The following STK39 variants were observed in gnomAD, a reference collection of about 807,000 sequenced individuals.
The protein encoded by STK39 is serine/threonine kinase 39, also known as STE20/SPS1-related proline-alanine-rich protein kinase.
Under a neutral mutation model 77.8 loss-of-function variants are expected in STK39, and 20 were observed. The ratio of observed to expected loss-of-function variants is 0.26; its 90% CI spans 0.18 to 0.37. The LOEUF (loss-of-function observed/expected upper bound fraction) is 0.37, where lower values mean the gene tolerates loss of function less well. Among genes scored for constraint, STK39 ranks in the 10% least tolerant of loss-of-function variants. The pLI is 1.00. For missense variants in STK39, 479 were observed against 656.5 expected, an observed-to-expected ratio of 0.73 and a Z score of 2.95; for synonymous variants, 246 against 234.1, an observed-to-expected ratio of 1.05 and a Z score of -0.47.
chr2:168,207,871 G>A (rs1689782064), intron 1 of STK39, among the ~76,000 whole-genome samples: 1 of 152,168 alleles, frequency 6.6e-6, no homozygotes, highest in Non-Finnish European at 1.5e-5. Context: ...TCCCAACTGA[G>A]GTCGGTCTAC....
chr2:168,082,058 T>C (rs1334953542), intron 10 of STK39, among the ~76,000 whole-genome samples: 1 of 152,116 alleles, frequency 6.6e-6, no homozygotes, highest in African/African-American at 2.4e-5. Context: ...ATCTTCCTAA[T>C]AAACTTCACA....
intron 14 of STK39, among the ~76,000 whole-genome samples, chr2:168,020,576 ATAC>A (rs1684544715): frequency 6.6e-6 from 1 of 151,626 alleles, no homozygotes; most frequent in African/African-American, 2.4e-5. Context: ...ATATAAATGT[ATAC>A]ACATACATAC....
chr2:168,038,892 A>G (rs1685027367), intron 14 of STK39, among the ~76,000 whole-genome samples: 1 of 152,212 alleles, frequency 6.6e-6, no homozygotes, highest in Non-Finnish European at 1.5e-5. Flanking sequence ...AAGATTGACG[A>G]TACCAAGTAT....
intron 10 of STK39, among the ~76,000 whole-genome samples, chr2:168,110,478 T>C (rs1446064748): frequency 6.6e-6 from 1 of 152,160 alleles, no homozygotes; most frequent in Non-Finnish European, 1.5e-5. Flanking sequence ...CCTCAAGAGA[T>C]CCTCCTGCCT....
In STK39 at chr2:168,040,483, A is replaced by G. The variant is rs1685075292; in HGVS notation, c.1376+23017T>C. Among the ~76,000 whole-genome samples the G allele has an allele frequency of 2.0e-5, 3 of 152,234 alleles. No individual in the cohort carries two copies. In the South Asian group the frequency reaches 6.2e-4, roughly 31 times the overall value. On this transcript the variant is annotated intron_variant, in intron 14 of 17. Coordinates refer to ENST00000355999, the MANE Select transcript of STK39 (RefSeq NM_013233.3). ...AGTGTAATCTTCTTCATGTGGATGA[A>G]AAATGTAATACATACCTTCTTCAAA...
intron 3 of STK39, 83 bp downstream of exon 3, chr2:168,167,216 A>T: frequency 8.7e-7 from 1 of 1,148,738 alleles, no homozygotes; most frequent in Non-Finnish European, 1.3e-6. Flanking sequence ...GAAAGGATTC[A>T]ATCTAAAGTC....
chr2:168,210,013 T>A (rs374080930), intron 1 of STK39, among the ~76,000 whole-genome samples: 3,247 of 40,088 alleles, frequency 0.081, 4 homozygotes, highest in Non-Finnish European at 0.093. Flanking sequence ...AAAAAAAAAA[T>A]AGGAAAGAAA....
At chr2:168,146,861 C>T (rs1018936927) in intron 5 of STK39, among the ~76,000 whole-genome samples, 1 of 152,038 alleles carries the variant, frequency 6.6e-6, no homozygotes, top group Non-Finnish European at 1.5e-5. Flanking sequence ...AGGATTAGAC[C>T]AATTCTTAAG....
chr2:168,190,255 A>C (rs958109334), intron 1 of STK39, among the ~76,000 whole-genome samples: 4 of 152,204 alleles, frequency 2.6e-5, no homozygotes, highest in African/African-American at 4.8e-5. Flanking sequence ...AGGCAGATGA[A>C]GTGTGCTCCA....
intron 10 of STK39, among the ~76,000 whole-genome samples, chr2:168,116,931 T>C (rs1687274788): frequency 6.6e-6 from 1 of 152,224 alleles, no homozygotes; most frequent in Non-Finnish European, 1.5e-5. Flanking sequence ...TTTAAAGCTA[T>C]TTTTGGAATA....
chr2:168,089,700 G>A (rs902339766), intron 10 of STK39, among the ~76,000 whole-genome samples: 29 of 152,222 alleles, frequency 1.9e-4, no homozygotes, highest in African/African-American at 6.3e-4. Flanking sequence ...CACAACCTCC[G>A]CCTCCCAGGT....
intron 10 of STK39, among the ~76,000 whole-genome samples, chr2:168,099,274 G>T (rs569559598): frequency 1.3e-5 from 2 of 152,342 alleles, no homozygotes; most frequent in South Asian, 4.1e-4. Flanking sequence ...AATAGATAAT[G>T]ATCATCAATA....
intron 1 of STK39, among the ~76,000 whole-genome samples, chr2:168,210,967 CA>C (rs1285351264): frequency 4.1e-4 from 62 of 151,266 alleles, no homozygotes; most frequent in East Asian, 1.7e-3. Context: ...TGAAATAAGG[CA>C]AAAAAAATGC....
At chr2:167,962,564 C>T (rs1692015363) in intron 17 of STK39, among the ~76,000 whole-genome samples, 1 of 152,192 alleles carries the variant, frequency 6.6e-6, no homozygotes, top group Admixed American at 6.5e-5. Flanking sequence ...CACACTACTA[C>T]GTTTTCAAGC....
intron 10 of STK39, among the ~76,000 whole-genome samples, chr2:168,124,033 C>T (rs72872749): frequency 0.38 from 58,282 of 151,968 alleles, 11,555 homozygotes; most frequent in African/African-American, 0.47. Flanking sequence ...AAACCAATCT[C>T]ATAGCCTAAT....
At chr2:168,005,031 A>T (rs1452324862) in intron 16 of STK39, among the ~76,000 whole-genome samples, 2 of 116,352 alleles carry the variant, frequency 1.7e-5, no homozygotes, top group Admixed American at 1.2e-4. Context: ...TTTGAGACAG[A>T]GTCTCGCTCT....
intron 14 of STK39, among the ~76,000 whole-genome samples, chr2:168,047,115 T>C (rs189625244): frequency 3.4e-3 from 515 of 152,274 alleles, no homozygotes; most frequent in Non-Finnish European, 5.7e-3. Flanking sequence ...TTTCAGATGT[T>C]GGAGAAAAGA....
At chr2:168,185,259 C>T (rs1011118141) in intron 1 of STK39, among the ~76,000 whole-genome samples, 5 of 152,154 alleles carry the variant, frequency 3.3e-5, no homozygotes, top group African/African-American at 7.2e-5. Context: ...ATTTCAAGTG[C>T]AATAAATCAT....
rs537379683 is a variant in STK39 at position 168,076,459 on chromosome 2, A to T, written c.1090-1228T>A. On this transcript the variant is annotated intron_variant, in intron 10 of 17. Coordinates refer to ENST00000355999, the MANE Select transcript of STK39 (RefSeq NM_013233.3). ...AGCTTCAGTAAAACCAAGGGAAACA[A>T]CACAGAACTTAAATTTAAATATTTA... Among the ~76,000 whole-genome samples the T allele has an allele frequency of 1.1e-3, 167 of 152,330 alleles. 1 individual carries two copies. The highest frequency in any genetic ancestry group is 3.9e-3 in the African/African-American group (161 of 41,564).
Sources: allele counts gnomAD v4.1 joint callset (sites outside exome capture counted in the v4.1 genomes callset), GRCh38; gene constraint gnomAD v4.1.1; transcripts MANE v1.5; gene names NCBI Gene and HGNC (gene_info 2026-07-23, HGNC 2026-07-21).